DGLUCY: variants seen among roughly 807,000 people sequenced by gnomAD.
DGLUCY encodes the protein D-glutamate cyclase, mitochondrial.
Under a neutral mutation model 58.5 loss-of-function variants are expected in DGLUCY, and 58 were observed. That is an observed-to-expected ratio of 0.99 (90% confidence interval 0.80 to 1.23). The LOEUF (loss-of-function observed/expected upper bound fraction) is 1.23. Among genes scored for constraint, DGLUCY ranks in the 50% most tolerant of loss-of-function variants. The pLI is 0.00. For missense variants in DGLUCY, 779 were observed against 784.7 expected, an observed-to-expected ratio of 0.99 and a Z score of 0.09; for synonymous variants, 325 against 314.1, an observed-to-expected ratio of 1.03 and a Z score of -0.37.
intron 12 of DGLUCY, among the ~76,000 whole-genome samples, chr14:91,205,797 C>CTTCTTCTTCTTCTTCTTCTTCTTCTT (rs1884530763): frequency 1.5e-5 from 1 of 66,332 alleles, no homozygotes; most frequent in African/African-American, 5.7e-5. Flanking sequence ...TTCTTCTTCT[C>CTTCTTCTTCTTCTTCTTCTTCTTCTT]CGTCTCCTTC....
chr14:91,113,487 G>T (rs537293137), upstream of DGLUCY, among the ~76,000 whole-genome samples: 59 of 152,244 alleles, frequency 3.9e-4, 1 homozygote, highest in Admixed American at 8.5e-4. Flanking sequence ...TACTGTTCTA[G>T]TGCATAATGC....
chr14:91,086,100 A>G (rs1292142116), intron 1 of DGLUCY, among the ~76,000 whole-genome samples: 1 of 152,134 alleles, frequency 6.6e-6, no homozygotes, highest in East Asian at 1.9e-4. Flanking sequence ...TGAGGGATCT[A>G]GGTTTTGTGC....
At chr14:91,085,057 A>G (rs1460189189) in intron 1 of DGLUCY, among the ~76,000 whole-genome samples, 3 of 151,922 alleles carry the variant, frequency 2.0e-5, no homozygotes, top group Non-Finnish European at 2.9e-5. Context: ...CCCCATCTCT[A>G]CAAAAATGTT....
chr14:91,188,266 G>A (rs977809944), intron 8 of DGLUCY, among the ~76,000 whole-genome samples: 2 of 152,168 alleles, frequency 1.3e-5, no homozygotes, highest in Non-Finnish European at 1.5e-5. Context: ...GCTTGGAGGT[G>A]TGTGTTGGAG....
chr14:91,158,109 G>A (rs2047769166), intron 2 of DGLUCY, among the ~76,000 whole-genome samples: 1 of 152,200 alleles, frequency 6.6e-6, no homozygotes, highest in African/African-American at 2.4e-5. Context: ...GCCAGGCAGA[G>A]GTGCTAGGTC....
intron 12 of DGLUCY, among the ~76,000 whole-genome samples, chr14:91,211,284 C>T (rs10130134): frequency 0.3 from 45,762 of 152,048 alleles, 8,443 homozygotes; most frequent in African/African-American, 0.51. Context: ...TTGATATAGT[C>T]CCAGTCAAAA....
At chr14:91,199,222 C>A (rs970540843) in intron 10 of DGLUCY, among the ~76,000 whole-genome samples, 3 of 151,920 alleles carry the variant, frequency 2.0e-5, no homozygotes, top group African/African-American at 7.3e-5. Flanking sequence ...TTTATAGCCT[C>A]TGACCCTACT....
chr14:91,128,251 C>G (rs555060009), intron 1 of DGLUCY, among the ~76,000 whole-genome samples: 2 of 148,118 alleles, frequency 1.4e-5, no homozygotes, highest in Admixed American at 1.4e-4. Context: ...GGCAGGTGGA[C>G]TGCTTGAGCC....
intron 1 of DGLUCY, among the ~76,000 whole-genome samples, chr14:91,099,287 C>T (rs1302616945): frequency 1.3e-5 from 2 of 152,186 alleles, no homozygotes; most frequent in African/African-American, 4.8e-5. Flanking sequence ...AATCCCAATA[C>T]TTTGGGAGGC....
chr14:91,087,896 A>C (rs1267563399), intron 1 of DGLUCY, among the ~76,000 whole-genome samples: 3 of 152,218 alleles, frequency 2.0e-5, no homozygotes. Context: ...TCTTTACCGC[A>C]CCAGGGAACA....
At chr14:91,071,334 CAA>C (rs3086750) in intron 1 of DGLUCY, among the ~76,000 whole-genome samples, 28 of 84,176 alleles carry the variant, frequency 3.3e-4, no homozygotes, top group Admixed American at 7.0e-4. Context: ...GAGATTCCAC[CAA>C]AAAAAAAAAA....
intron 12 of DGLUCY, among the ~76,000 whole-genome samples, chr14:91,207,015 AG>A (rs1884818001): frequency 6.6e-6 from 1 of 151,978 alleles, no homozygotes; most frequent in Non-Finnish European, 1.5e-5. Context: ...AAAATTAGCC[AG>A]GTGTCGTGGT....
intron 9 of DGLUCY, among the ~76,000 whole-genome samples, chr14:91,195,872 A>G (rs533217946): frequency 3.3e-5 from 5 of 152,070 alleles, no homozygotes; most frequent in South Asian, 2.1e-4. Flanking sequence ...GGGTTTCACC[A>G]TGTTAGCCGG....
chr14:91,087,474 C>T (rs1302257024), intron 1 of DGLUCY, among the ~76,000 whole-genome samples: 1 of 152,196 alleles, frequency 6.6e-6, no homozygotes, highest in Non-Finnish European at 1.5e-5. Context: ...ATAAAGAAAT[C>T]AATGTACTTT....
At chr14:91,148,260 A>C (rs1166853919) in intron 1 of DGLUCY, among the ~76,000 whole-genome samples, 1 of 150,538 alleles carries the variant, frequency 6.6e-6, no homozygotes, top group Non-Finnish European at 1.5e-5. Context: ...GCTGGAGTGC[A>C]GTGGCTCCAT....
At chr14:91,188,784 A>G (rs2049684030) in intron 8 of DGLUCY, 126 bp from the exon 9 acceptor site, 1 of 1,101,922 alleles carries the variant, frequency 9.1e-7, no homozygotes, top group African/African-American at 1.6e-5. Context: ...AGCTGTGATC[A>G]CGCCACTGCC....
chr14:91,131,042 G>A (rs542889060), intron 1 of DGLUCY, among the ~76,000 whole-genome samples: 2 of 152,030 alleles, frequency 1.3e-5, no homozygotes, highest in South Asian at 2.1e-4. Flanking sequence ...CAACCTCCCC[G>A]GCTCAAGCAA....
intron 1 of DGLUCY, among the ~76,000 whole-genome samples, chr14:91,071,494 A>G (rs1157170985): frequency 1.3e-5 from 2 of 152,200 alleles, no homozygotes; most frequent in African/African-American, 4.8e-5. Flanking sequence ...GGAATTGAGG[A>G]TTAAAAAAAA....
chr14:91,108,487 T>TTGTGTGTGTG lies in DGLUCY; in HGVS notation c.-82+457_-82+466dup, dbSNP rs34711327. On this transcript the variant is annotated intron_variant, in intron 1 of 4. Coordinates refer to the DGLUCY transcript ENST00000518871. ...GTCACTGGAAAGGCCCTTGAAGAAT[T>TTGTGTGTGTG]TGTGTGTGTGTGTGTGTGTGTGTGT... Among the ~76,000 whole-genome samples, 180 of 74,940 alleles carry TTGTGTGTGTG rather than the reference T, an allele frequency of 2.4e-3. 3 individuals are homozygous for TTGTGTGTGTG. Among genetic ancestry groups the TTGTGTGTGTG allele is most frequent in the African/African-American group, 7.2e-3 (126 of 17,562 alleles). 49.2% of individuals were successfully genotyped at this position (74,940 alleles called of 152,430 possible).
Sources: allele counts gnomAD v4.1 joint callset (sites outside exome capture counted in the v4.1 genomes callset), GRCh38; gene constraint gnomAD v4.1.1; transcripts MANE v1.5; gene names NCBI Gene and HGNC (gene_info 2026-07-23, HGNC 2026-07-21).